DEK: variants seen among roughly 807,000 people sequenced by gnomAD.
DEK encodes the protein protein DEK.
DEK carries 28 observed loss-of-function variants against 46.8 expected under a neutral mutation model. That is an observed-to-expected ratio of 0.60 (90% CI 0.44 to 0.82). DEK has a LOEUF of 0.82. DEK is among the 40% of genes least tolerant of loss of function. DEK has a pLI of 0.00. For synonymous variants in DEK, 160 were observed against 144.5 expected (o/e 1.11, Z -0.77); for missense variants, 416 against 430.6 (o/e 0.97, Z 0.30).
intron 7 of DEK, among the ~76,000 whole-genome samples, chr6:18,247,655 A>T (rs1390795559): frequency 6.6e-6 from 1 of 152,198 alleles, no homozygotes; most frequent in African/African-American, 2.4e-5. Flanking sequence ...AGCGAATTTT[A>T]AAAGTGAGTA....
rs200553558 is a variant in DEK at position 18,255,744 on chromosome 6, T to A, written c.560A>T (p.Lys187Met). ...KRILNFLMHP[K>M]PSGKPLPKSK... ...ATTGATCCTCACTTTGCCAGAAGGCTTTGGATGCATTAAGAAATTCAAGAT... is the reference window on the plus strand; with the variant it reads ...ATTGATCCTCACTTTGCCAGAAGGCATTGGATGCATTAAGAAATTCAAGAT... Residue 187 changes from lysine (K) to methionine (M), a missense_variant, in exon 6 of 11, where the codon AAG becomes ATG. Transcript: ENST00000652689. The A allele has an allele frequency of 6.2e-7, 1 of 1,607,016 alleles. No individual in the cohort carries two copies. The highest frequency in any genetic ancestry group is 8.5e-7 in the Non-Finnish European group (1 of 1,178,348).
intron 7 of DEK, among the ~76,000 whole-genome samples, chr6:18,238,683 C>CAAA (rs201851628): frequency 1.1e-5 from 1 of 91,812 alleles, no homozygotes; most frequent in Non-Finnish European, 2.1e-5. Context: ...GAGACTGTCT[C>CAAA]AAAAAAAAAA....
In DEK at chr6:18,255,874, C is replaced by G. The variant is rs140337165; in HGVS notation, c.453-23G>C. ...AATCTGAAACAGAAAATGGAAGAAA[C>G]CAAGGTGTTAATATAGGAAAGCTTA... On this transcript the variant is annotated intron_variant, in intron 5 of 10. Transcript: ENST00000652689. The G allele has an allele frequency of 6.0e-4, 951 of 1,588,868 alleles. 12 individuals carry two copies. The East Asian group carries it at 0.021, about 34-fold the overall frequency.
Position 18,230,668 on chromosome 6 carries a change from G to C in DEK, c.1048-4426C>G, listed in dbSNP as rs539526334. On this transcript the variant is annotated intron_variant, in intron 9 of 10. Coordinates refer to ENST00000652689, the MANE Select transcript of DEK (RefSeq NM_003472.4). ...AATGGTAAAGGGATCAATTCAACAA[G>C]GAGAGCTAACTATCCTAAATATATA... 2.0e-5 allele frequency among the ~76,000 whole-genome samples: 3 copies of C among 152,340 alleles called. No individual in the cohort carries two copies. The South Asian group carries it at 6.2e-4, about 32-fold the overall frequency.
intron 7 of DEK, among the ~76,000 whole-genome samples, chr6:18,238,076 C>T (rs1790741830): frequency 6.6e-6 from 1 of 151,890 alleles, no homozygotes; most frequent in Non-Finnish European, 1.5e-5. Context: ...GCCATGTTGG[C>T]CAGGCTGGTC....
At chr6:18,225,914 C>A in intron 10 of DEK, 184 bp from the exon 11 acceptor site, 2 of 755,034 alleles carry the variant, frequency 2.6e-6, no homozygotes, top group South Asian at 2.0e-5. Flanking sequence ...TTTGTGAGAG[C>A]AACGTTGAGA....
intron 7 of DEK, among the ~76,000 whole-genome samples, chr6:18,244,192 A>C (rs940209903): frequency 1.3e-5 from 2 of 152,176 alleles, no homozygotes; most frequent in African/African-American, 4.8e-5. Flanking sequence ...AGAATAAAGA[A>C]AAAGCTGATT....
chr6:18,227,270 G>A (rs565519130), intron 9 of DEK, among the ~76,000 whole-genome samples: 119 of 152,106 alleles, frequency 7.8e-4, no homozygotes, highest in African/African-American at 2.5e-3. Context: ...GAATGTCTCG[G>A]TATAAAACCC....
chr6:18,248,260 G>C (rs1251868810), intron 7 of DEK, among the ~76,000 whole-genome samples: 1 of 152,086 alleles, frequency 6.6e-6, no homozygotes, highest in East Asian at 1.9e-4. Context: ...TTTGAACTCA[G>C]TTTCCAGAGC....
In DEK at chr6:18,229,545, C is replaced by A. The variant is rs190601647; in HGVS notation, c.1048-3303G>T. On this transcript the variant is annotated intron_variant, in intron 9 of 10. Transcript: ENST00000652689. ...GAGAAGTCCTTAAATGACCTGATGGCGCTGAAAACCATGGCACGAGAACTA... is the reference window on the plus strand; with the variant it reads ...GAGAAGTCCTTAAATGACCTGATGGAGCTGAAAACCATGGCACGAGAACTA... 6.8e-3 allele frequency among the ~76,000 whole-genome samples: 1,038 copies of A among 152,180 alleles called. 6 individuals carry two copies. Among genetic ancestry groups the A allele is most frequent in the Non-Finnish European group, 0.012 (810 of 68,002 alleles).
intron 9 of DEK, among the ~76,000 whole-genome samples, chr6:18,229,328 TCTC>T (rs964957795): frequency 4.4e-4 from 67 of 152,284 alleles, no homozygotes; most frequent in African/African-American, 1.6e-3. Context: ...GAGCGCCTCT[TCTC>T]CTCCAAAGGA....
chr6:18,230,243 AG>A (rs935401385), intron 9 of DEK, among the ~76,000 whole-genome samples: 9 of 152,188 alleles, frequency 5.9e-5, no homozygotes, highest in African/African-American at 2.2e-4. Flanking sequence ...AAACATGGAA[AG>A]GAACAACCGG....
chr6:18,248,047 A>G (rs1456960174), intron 7 of DEK, among the ~76,000 whole-genome samples: 2 of 152,170 alleles, frequency 1.3e-5, no homozygotes, highest in African/African-American at 2.4e-5. Flanking sequence ...ATAAAACATC[A>G]TTTTAATTCT....
At chr6:18,234,308 T>C (rs1295967443) in intron 9 of DEK, among the ~76,000 whole-genome samples, 1 of 151,698 alleles carries the variant, frequency 6.6e-6, no homozygotes. Flanking sequence ...ATATGTAACC[T>C]GCACGTTGTG....
At chr6:18,263,737 T>C in intron 2 of DEK, 106 bp downstream of exon 2, 3 of 1,595,842 alleles carry the variant, frequency 1.9e-6, no homozygotes, top group Non-Finnish European at 2.6e-6. Flanking sequence ...TCACTCCGAC[T>C]TCACGCCTCT....
chr6:18,254,108 A>G (rs1226680339), intron 6 of DEK, among the ~76,000 whole-genome samples: 1 of 152,198 alleles, frequency 6.6e-6, no homozygotes, highest in Non-Finnish European at 1.5e-5. Context: ...AGGCGGTCAG[A>G]TCACCTGAGG....
At chr6:18,237,781 T>C (rs1473110242) in intron 7 of DEK, among the ~76,000 whole-genome samples, 1 of 151,978 alleles carries the variant, frequency 6.6e-6, no homozygotes, top group Non-Finnish European at 1.5e-5. Flanking sequence ...TGCATTACTC[T>C]ACTTAATCTT....
intron 7 of DEK, among the ~76,000 whole-genome samples, chr6:18,245,809 C>A (rs1301031254): frequency 6.6e-6 from 1 of 152,222 alleles, no homozygotes; most frequent in Non-Finnish European, 1.5e-5. Flanking sequence ...CCAAATCTCA[C>A]CTTGAATTGT....
chr6:18,258,133 G>C, intron 3 of DEK, 71 bp from the exon 4 acceptor site: 1 of 1,210,274 alleles, frequency 8.3e-7, no homozygotes. Flanking sequence ...AATTTAATGA[G>C]AATTATTTTC....
Sources: gnomAD v4.1 joint callset for allele counts (sites outside exome capture counted in the v4.1 genomes callset) on GRCh38, gnomAD v4.1.1 for gene constraint, MANE v1.5 for transcripts, NCBI Gene and HGNC (gene_info 2026-07-23, HGNC 2026-07-21) for gene names.